Variants in MBP observed in about 807,000 individuals in gnomAD.
MBP encodes the protein myelin basic protein.
In MBP, 16 loss-of-function variants were observed where a neutral mutation model predicts 35.8. That is an observed-to-expected ratio of 0.45 (90% CI 0.30 to 0.68). The LOEUF is 0.68. Among genes scored for constraint, MBP ranks in the 30% least tolerant of loss-of-function variants. The pLI, the probability that MBP is intolerant of heterozygous loss-of-function variation, is 0.08. For synonymous variants in MBP, 143 were observed against 159.6 expected, an observed-to-expected ratio of 0.90 and a Z score of 0.78; for missense variants, 380 against 404.7, an observed-to-expected ratio of 0.94 and a Z score of 0.52.
At chr18:77,058,454 G>C (rs996736653) in intron 3 of MBP, among the ~76,000 whole-genome samples, 1 of 152,108 alleles carries the variant, frequency 6.6e-6, no homozygotes, top group Non-Finnish European at 1.5e-5. Flanking sequence ...AGCGGCCTCC[G>C]GCAGACCCCA....
At chr18:77,009,006 T>C (rs1269613025) in intron 4 of MBP, among the ~76,000 whole-genome samples, 1 of 152,236 alleles carries the variant, frequency 6.6e-6, no homozygotes, top group African/African-American at 2.4e-5. Flanking sequence ...TTCTCGCTAT[T>C]TAGGTACTTG....
chr18:77,032,966 T>G (rs1568304043), intron 3 of MBP, among the ~76,000 whole-genome samples: 1 of 152,136 alleles, frequency 6.6e-6, no homozygotes, highest in Non-Finnish European at 1.5e-5. Flanking sequence ...CTTTGTTTAA[T>G]TTTTTTATTT....
At position 77,044,681 on chromosome 18, in the gene MBP, T is replaced by A. The variant is rs1270732604; in HGVS notation, c.139+21617A>T. 1.3e-5 allele frequency among the ~76,000 whole-genome samples: 2 copies of A among 152,198 alleles called. No homozygotes were observed. The highest frequency in any genetic ancestry group is 4.8e-5 in the African/African-American group (2 of 41,438). ...ACACACGAGGGGCCCCGGAATCACC[T>A]GCCACGTGAATAAACAAAGTCAGAT... On this transcript the variant is annotated intron_variant, in intron 3 of 8. Coordinates refer to ENST00000355994, the MANE Select transcript of MBP (RefSeq NM_001025101.2). The surrounding 1 kb of genome is among the most constrained non-coding windows in gnomAD (Gnocchi z 4.4).
chr18:77,001,338 T>A (rs1490314790), intron 4 of MBP, among the ~76,000 whole-genome samples: 1 of 152,108 alleles, frequency 6.6e-6, no homozygotes, highest in African/African-American at 2.4e-5. Context: ...TACACGGGTG[T>A]AGATACACCT....
chr18:77,049,244 G>C (rs189179493), intron 3 of MBP, among the ~76,000 whole-genome samples: 4 of 152,294 alleles, frequency 2.6e-5, no homozygotes, highest in African/African-American at 9.6e-5. Flanking sequence ...AATCTGTTTT[G>C]TTCACCGATG....
intron 1 of MBP, chr18:77,115,064 G>A (rs1251638113): frequency 6.6e-6 from 1 of 152,266 alleles, no homozygotes; most frequent in Non-Finnish European, 1.5e-5. Context: ...GTTACAAACT[G>A]TCAAGTCAGA....
Position 77,017,168 on chromosome 18 carries a change from G to A in MBP, c.240C>T (p.Ala80=). 1.3e-6 allele frequency: 2 copies of A among 1,548,370 alleles called. No individual in the cohort carries two copies. The highest frequency in any genetic ancestry group is 1.4e-5 in the African/African-American group (1 of 72,870). The part of the protein sequence containing the change: ...TADPKNAWQD[A]HPADPGSRPH... ...GGCGGCTCCCTGGGTCAGCTGGGTG[G>A]GCATCCTGCCAGGCATTCTTCGGGT... Residue 80 remains alanine, a synonymous_variant, in exon 4 of 9, where the codon GCC becomes GCT. Coordinates refer to ENST00000355994, the MANE Select transcript of MBP (RefSeq NM_001025101.2).
At chr18:77,003,415 G>T (rs1970745314) in intron 4 of MBP, 1 of 152,146 alleles carries the variant, frequency 6.6e-6, no homozygotes, top group Admixed American at 6.5e-5. Context: ...GAATGAATTT[G>T]CTTTTTACTC....
At position 77,011,381 on chromosome 18, in the gene MBP, G is replaced by T. The variant is rs183078433; in HGVS notation, c.576+5451C>A. 2.0e-5 allele frequency among the ~76,000 whole-genome samples: 3 copies of T among 152,300 alleles called. No homozygotes were observed. The East Asian group carries it at 5.8e-4, about 29-fold the overall frequency. ...GCTATGTACAGGGCCAACAAGCGAA[G>T]AACTTTCCATTAATTTTCCCTCCAT... On this transcript the variant is annotated intron_variant, in intron 4 of 8. Coordinates refer to ENST00000355994, the MANE Select transcript of MBP (RefSeq NM_001025101.2).
intron 3 of MBP, among the ~76,000 whole-genome samples, chr18:77,047,128 C>T (rs942614546): frequency 2.6e-5 from 4 of 152,252 alleles, no homozygotes; most frequent in Non-Finnish European, 5.9e-5. Context: ...AAGGCGACCA[C>T]GGCTGGGTGC....
intron 3 of MBP, among the ~76,000 whole-genome samples, chr18:77,064,433 T>C (rs1035897639): frequency 6.6e-6 from 1 of 152,216 alleles, no homozygotes; most frequent in Non-Finnish European, 1.5e-5. Flanking sequence ...TAATAAAGTA[T>C]GCAGAAATCA....
In MBP at chr18:77,102,942, T is replaced by A. The variant is rs970227049; in HGVS notation, c.51+2269A>T. 2.0e-5 allele frequency among the ~76,000 whole-genome samples: 3 copies of A among 152,380 alleles called. No individual in the cohort carries two copies. Among genetic ancestry groups the A allele is most frequent in the African/African-American group, 7.2e-5 (3 of 41,590 alleles). On this transcript the variant is annotated intron_variant, in intron 2 of 8. Transcript: ENST00000355994. This position sits in a 1 kb window ranked among gnomAD's most constrained non-coding sequence, Gnocchi z 4.4. Reference sequence around the variant, plus strand: ...TGGTTGTTATTGCTAATTATAATGCTGACATTATCAGTAATACAGTTTAAG... The same window carrying A: ...TGGTTGTTATTGCTAATTATAATGCAGACATTATCAGTAATACAGTTTAAG...
chr18:77,101,943 A>G lies in MBP; in HGVS notation c.51+3268T>C, dbSNP rs924815097. On this transcript the variant is annotated intron_variant, in intron 2 of 8. Transcript: ENST00000355994. The surrounding 1 kb of genome is among the most constrained non-coding windows in gnomAD (Gnocchi z 4.3). ...GTATGATTCATTTACTCTTTCGAAC[A>G]TCTGTAAGCCAGTTATGTGCTGGGG... is the stretch of plus-strand genomic sequence containing the variant. Among the ~76,000 whole-genome samples, 3 of 152,212 alleles carry G rather than the reference A, an allele frequency of 2.0e-5. No homozygotes were observed. Among genetic ancestry groups the G allele is most frequent in the African/African-American group, 7.2e-5 (3 of 41,450 alleles).
chr18:76,990,143 C>T (rs1969813516), intron 4 of MBP, 83 bp from the exon 5 acceptor site: 1 of 829,772 alleles, frequency 1.2e-6, no homozygotes, highest in South Asian at 1.7e-5. Context: ...GATCTCTCCT[C>T]CTTTGTAATC....
intron 4 of MBP, chr18:77,015,670 T>C: frequency 1.0e-6 from 1 of 985,448 alleles, no homozygotes; most frequent in Non-Finnish European, 1.2e-6. Flanking sequence ...TTCGATGTGC[T>C]TTCACGCCCA....
intron 2 of MBP, among the ~76,000 whole-genome samples, chr18:77,093,690 G>C (rs914319375): frequency 8.5e-5 from 13 of 152,176 alleles, no homozygotes; most frequent in Non-Finnish European, 1.8e-4. Flanking sequence ...GGTGAACCTC[G>C]TAAGATTGTT....
rs370872500 is a variant in MBP, at chr18:77,014,920, G to A, written c.576+1912C>T. 2,394 of 982,130 alleles carry A rather than the reference G, an allele frequency of 2.4e-3. 11 individuals are homozygous for A. The highest frequency in any genetic ancestry group is 0.017 in the Middle Eastern group (33 of 1,902). 60.8% of individuals were successfully genotyped at this position (982,130 alleles called of 1,614,324 possible). Reference sequence around the variant, plus strand: ...TTCAAAATTCCTAAAGCAATCATGTGAAAATTATTTTTATTTTTAAAATTT... The same window carrying A: ...TTCAAAATTCCTAAAGCAATCATGTAAAAATTATTTTTATTTTTAAAATTT... On this transcript the variant is annotated intron_variant, in intron 4 of 8. Transcript: ENST00000355994.
chr18:77,073,946 T>G (rs1307336548), intron 2 of MBP, among the ~76,000 whole-genome samples: 1 of 147,542 alleles, frequency 6.8e-6, no homozygotes, highest in Non-Finnish European at 1.5e-5. Context: ...CGAAATGAGA[T>G]AGACTTTCAC....
At chr18:77,109,981 G>A (rs565584185) in intron 1 of MBP, 132 of 152,210 alleles carry the variant, frequency 8.7e-4, no homozygotes, top group African/African-American at 3.0e-3. Flanking sequence ...CTAAAGTAAT[G>A]TTTCTATGGA....
Sources: allele counts gnomAD v4.1 joint callset (sites outside exome capture counted in the v4.1 genomes callset), GRCh38; gene constraint gnomAD v4.1.1; non-coding constraint Gnocchi (gnomAD v3.1); transcripts MANE v1.5; gene names NCBI Gene and HGNC (gene_info 2026-07-23, HGNC 2026-07-21).